NAT1: variants seen among roughly 807,000 people sequenced by gnomAD.
NAT1 encodes arylamine N-acetyltransferase 1.
For missense variants in NAT1, 400 were observed against 339.2 expected, an observed-to-expected ratio of 1.18 and a Z score of -1.41; for synonymous variants, 144 against 122.6, an observed-to-expected ratio of 1.17 and a Z score of -1.16.
At chr8:18,197,172 C>A (rs1803270026) in intron 2 of NAT1, among the ~76,000 whole-genome samples, 1 of 152,158 alleles carries the variant, frequency 6.6e-6, no homozygotes, top group Admixed American at 6.5e-5. Flanking sequence ...CCCCCAGGAT[C>A]CAATCACCTC....
intron 2 of NAT1, among the ~76,000 whole-genome samples, chr8:18,195,165 C>G (rs886811833): frequency 6.6e-6 from 1 of 152,218 alleles, no homozygotes; most frequent in Non-Finnish European, 1.5e-5. Flanking sequence ...GAGGACAACA[C>G]ATGGCTTCAA....
At chr8:18,173,652 G>C (rs1208742697) in intron 2 of NAT1, among the ~76,000 whole-genome samples, 3 of 152,152 alleles carry the variant, frequency 2.0e-5, no homozygotes, top group African/African-American at 7.2e-5. Context: ...TCTTGGTTCT[G>C]ACACTTTCTT....
intron 2 of NAT1, among the ~76,000 whole-genome samples, chr8:18,199,599 C>A (rs1199909640): frequency 6.6e-6 from 1 of 152,178 alleles, no homozygotes; most frequent in Non-Finnish European, 1.5e-5. Flanking sequence ...AAGTTCTGCT[C>A]TCTCTTGAAT....
intron 1 of NAT1, among the ~76,000 whole-genome samples, chr8:18,219,140 C>T (rs1382219325): frequency 6.6e-6 from 1 of 152,060 alleles, no homozygotes; most frequent in East Asian, 1.9e-4. Context: ...GGTGGGTTGC[C>T]TCGGGAGGCT....
intron 2 of NAT1, among the ~76,000 whole-genome samples, chr8:18,187,373 C>G (rs1170691084): frequency 6.6e-6 from 1 of 152,150 alleles, no homozygotes; most frequent in African/African-American, 2.4e-5. Context: ...ATATAAATTG[C>G]TCTACCATAA....
chr8:18,203,846 C>G (rs1238611348), intron 2 of NAT1, among the ~76,000 whole-genome samples: 1 of 152,168 alleles, frequency 6.6e-6, no homozygotes, highest in Middle Eastern at 3.2e-3. Flanking sequence ...TAACAAAGAA[C>G]AGCCTGCAGG....
chr8:18,186,954 G>C (rs1188676064), intron 2 of NAT1, among the ~76,000 whole-genome samples: 1 of 152,096 alleles, frequency 6.6e-6, no homozygotes, highest in Non-Finnish European at 1.5e-5. Context: ...CTGGCTAGAG[G>C]TCAAATTAAG....
At chr8:18,177,450 G>C (rs1217897945) in intron 2 of NAT1, among the ~76,000 whole-genome samples, 1 of 152,002 alleles carries the variant, frequency 6.6e-6, no homozygotes, top group Non-Finnish European at 1.5e-5. Context: ...TGCTTCTGAC[G>C]TAAGAATGGG....
chr8:18,197,975 G>A (rs1589081733), intron 2 of NAT1, among the ~76,000 whole-genome samples: 1 of 151,578 alleles, frequency 6.6e-6, no homozygotes, highest in Admixed American at 6.6e-5. Flanking sequence ...AGACAACAAG[G>A]GATGCCAAAA....
intron 2 of NAT1, among the ~76,000 whole-genome samples, chr8:18,174,837 T>G (rs1449449380): frequency 6.6e-6 from 1 of 151,982 alleles, no homozygotes; most frequent in Non-Finnish European, 1.5e-5. Flanking sequence ...TATAACCCTT[T>G]TACCTCCCAA....
intron 2 of NAT1, among the ~76,000 whole-genome samples, chr8:18,199,377 G>A (rs981353196): frequency 3.4e-5 from 5 of 148,596 alleles, no homozygotes; most frequent in African/African-American, 1.2e-4. Context: ...CGTGATTTTT[G>A]CCTCTGTAAC....
upstream of NAT1, among the ~76,000 whole-genome samples, chr8:18,206,541 A>G (rs891179825): frequency 3.3e-5 from 5 of 152,230 alleles, no homozygotes; most frequent in Non-Finnish European, 7.3e-5. Context: ...TGTATGAGCA[A>G]GAGCAATTAG....
chr8:18,189,343 A>C, intron 2 of NAT1, among the ~76,000 whole-genome samples: 1 of 152,136 alleles, frequency 6.6e-6, no homozygotes, highest in Non-Finnish European at 1.5e-5. Flanking sequence ...ATCTGCTTTA[A>C]TCATTCCTGC....
At chr8:18,172,839 T>A (rs1784409227) in intron 2 of NAT1, among the ~76,000 whole-genome samples, 1 of 152,110 alleles carries the variant, frequency 6.6e-6, no homozygotes, top group Non-Finnish European at 1.5e-5. Flanking sequence ...CGGAGCAAAT[T>A]ATACCCCCAA....
At chr8:18,213,998 A>G (rs1435331889) in intron 1 of NAT1, among the ~76,000 whole-genome samples, 2 of 152,032 alleles carry the variant, frequency 1.3e-5, no homozygotes, top group Non-Finnish European at 2.9e-5. Flanking sequence ...TATTTTTAGT[A>G]GAGACAGGGT....
At chr8:18,202,769 G>A (rs1472373832) in intron 2 of NAT1, among the ~76,000 whole-genome samples, 1 of 152,184 alleles carries the variant, frequency 6.6e-6, no homozygotes, top group African/African-American at 2.4e-5. Context: ...GACCCAAAGA[G>A]TGAGGAGCAG....
chr8:18,197,032 A>T (rs1029903590), intron 2 of NAT1, among the ~76,000 whole-genome samples: 16 of 152,170 alleles, frequency 1.1e-4, no homozygotes, highest in Admixed American at 6.5e-5. Context: ...GGAAACTTAA[A>T]ACCACGGCGG....
At chr8:18,216,922 C>T in intron 1 of NAT1, 2 of 1,551,188 alleles carry the variant, frequency 1.3e-6, no homozygotes, top group Non-Finnish European at 1.7e-6. Flanking sequence ...CACAAGGAGG[C>T]AGCCCTCGAG....
Position 18,222,494 on chromosome 8 carries a change from C to T in NAT1, c.447C>T (p.Val149=), listed in dbSNP as rs1459626206. 3 of 1,613,950 alleles carry T rather than the reference C, an allele frequency of 1.9e-6. No individual in the cohort carries two copies. The highest frequency in any genetic ancestry group is 2.2e-5 in the East Asian group (1 of 44,884). Residue 149 remains valine, a synonymous_variant, in exon 3 of 3, where the codon GTC becomes GTT. Transcript: ENST00000307719. ...AGGATCAGCCTCAGGTGCCTTGTGTCTTCCGTTTGACGGAAGAGAATGGAT... is the reference window on the plus strand; with the variant it reads ...AGGATCAGCCTCAGGTGCCTTGTGTTTTCCGTTTGACGGAAGAGAATGGAT... ...SGKDQPQVPC[V]FRLTEENGFW... is the part of the protein sequence containing the mutation.
Sources: gnomAD v4.1 joint callset for allele counts (sites outside exome capture counted in the v4.1 genomes callset) on GRCh38, gnomAD v4.1.1 for gene constraint, MANE v1.5 for transcripts, NCBI Gene and HGNC (gene_info 2026-07-23, HGNC 2026-07-21) for gene names.